FMN1: variants seen among roughly 807,000 people sequenced by gnomAD.
FMN1 encodes formin-1.
In FMN1, 110 loss-of-function variants were observed where a neutral mutation model predicts 132.4. That is an observed-to-expected ratio of 0.83 (90% confidence interval 0.71 to 0.97). The LOEUF (loss-of-function observed/expected upper bound fraction) is 0.97. Ranked by LOEUF, FMN1 falls within the 50% of genes least tolerant of loss-of-function variation. FMN1 has a pLI of 0.00. For synonymous variants in FMN1, 722 were observed against 651.7 expected (o/e 1.11, Z -1.64); for missense variants, 1,792 against 1,705.3 (o/e 1.05, Z -0.90).
At chr15:33,066,230 C>T (rs1038534234) in intron 5 of FMN1, among the ~76,000 whole-genome samples, 3 of 152,124 alleles carry the variant, frequency 2.0e-5, no homozygotes, top group Admixed American at 6.6e-5. Flanking sequence ...TTTATAAGTG[C>T]GTTTACCATC....
At chr15:33,108,083 T>C (rs1461086542) in intron 4 of FMN1, among the ~76,000 whole-genome samples, 1 of 152,030 alleles carries the variant, frequency 6.6e-6, no homozygotes, top group Non-Finnish European at 1.5e-5. Flanking sequence ...AGTCTCGTGA[T>C]TTCTCTGGGA....
At chr15:33,069,107 CA>C (rs1400675321) in intron 5 of FMN1, among the ~76,000 whole-genome samples, 9 of 152,224 alleles carry the variant, frequency 5.9e-5, no homozygotes, top group Admixed American at 5.2e-4. Flanking sequence ...AAGTCTCTAT[CA>C]GTCAGATCTC....
intron 4 of FMN1, among the ~76,000 whole-genome samples, chr15:33,128,422 C>G (rs1272021815): frequency 6.6e-6 from 1 of 152,158 alleles, no homozygotes; most frequent in African/African-American, 2.4e-5. Context: ...CAAAATCATT[C>G]TTTCTACCTC....
intron 9 of FMN1, among the ~76,000 whole-genome samples, chr15:32,957,207 C>CA (rs35297987): frequency 6.8e-6 from 1 of 147,228 alleles, no homozygotes; most frequent in Non-Finnish European, 1.5e-5. Flanking sequence ...CATGGCATCT[C>CA]AAAAAAGGAG....
chr15:33,181,804 G>A (rs771982167), intron 2 of FMN1, among the ~76,000 whole-genome samples: 6 of 150,724 alleles, frequency 4.0e-5, no homozygotes, highest in Non-Finnish European at 7.4e-5. Flanking sequence ...TGCCTCTCAG[G>A]TTAAAGCGAT....
chr15:32,825,439 G>A (rs1227967667), intron 17 of FMN1, among the ~76,000 whole-genome samples: 3 of 152,098 alleles, frequency 2.0e-5, no homozygotes, highest in Admixed American at 6.5e-5. Context: ...TTCTTTCTGC[G>A]TACGATGTGT....
intron 15 of FMN1, among the ~76,000 whole-genome samples, chr15:32,895,507 C>T (rs2060132265): frequency 6.6e-6 from 1 of 151,970 alleles, no homozygotes; most frequent in Admixed American, 6.6e-5. Context: ...TTAAAGTGTG[C>T]CCTTTATAGG....
At chr15:33,121,858 T>G (rs1183970444) in intron 4 of FMN1, among the ~76,000 whole-genome samples, 1 of 152,188 alleles carries the variant, frequency 6.6e-6, no homozygotes, top group African/African-American at 2.4e-5. Context: ...TTTGTTTGAA[T>G]TTTAGGAATT....
chr15:32,896,642 T>A (rs1188984918), intron 15 of FMN1, among the ~76,000 whole-genome samples: 2 of 148,670 alleles, frequency 1.3e-5, no homozygotes, highest in African/African-American at 2.6e-5. Flanking sequence ...TAGATACTTA[T>A]TTAAGTGGAA....
At chr15:32,955,810 CGTGTGTGTGTGT>C (rs71682708) in intron 9 of FMN1, among the ~76,000 whole-genome samples, 2 of 150,102 alleles carry the variant, frequency 1.3e-5, no homozygotes, top group Non-Finnish European at 3.0e-5. Context: ...TGTGCGTGTG[CGTGTGTGTGTGT>C]GTGTGCGTGC....
At chr15:33,089,770 G>C (rs1156861823) in intron 4 of FMN1, among the ~76,000 whole-genome samples, 6 of 152,182 alleles carry the variant, frequency 3.9e-5, no homozygotes, top group Non-Finnish European at 8.8e-5. Context: ...ACAATAGAGG[G>C]CCGTGCTTTT....
At chr15:32,783,084 AC>A (rs2056721364) in intron 19 of FMN1, among the ~76,000 whole-genome samples, 1 of 151,832 alleles carries the variant, frequency 6.6e-6, no homozygotes, top group East Asian at 1.9e-4. Context: ...AGAAGCCCAA[AC>A]CCTGCCACTA....
chr15:33,146,287 C>A (rs1964217726), intron 4 of FMN1, among the ~76,000 whole-genome samples: 1 of 152,078 alleles, frequency 6.6e-6, no homozygotes, highest in African/African-American at 2.4e-5. Flanking sequence ...TTTCTTTTTG[C>A]CAAAGCTCCT....
At chr15:33,036,420 A>G (rs2036195775) in intron 6 of FMN1, among the ~76,000 whole-genome samples, 1 of 152,200 alleles carries the variant, frequency 6.6e-6, no homozygotes, top group African/African-American at 2.4e-5. Context: ...TTATCACTGT[A>G]TATTTAATAT....
chr15:32,935,111 T>C (rs1184859530), intron 9 of FMN1, among the ~76,000 whole-genome samples: 2 of 151,904 alleles, frequency 1.3e-5, no homozygotes, highest in African/African-American at 4.8e-5. Flanking sequence ...TTAGTAGAGA[T>C]GGGGTTTCAC....
At chr15:33,186,113 A>T (rs1217501287) in intron 2 of FMN1, among the ~76,000 whole-genome samples, 1 of 151,388 alleles carries the variant, frequency 6.6e-6, no homozygotes, top group African/African-American at 2.4e-5. Flanking sequence ...GAGCTCTTCT[A>T]TTGCAAAGAG....
intron 17 of FMN1, among the ~76,000 whole-genome samples, chr15:32,812,754 G>A (rs1019994727): frequency 6.6e-6 from 1 of 152,182 alleles, no homozygotes; most frequent in Non-Finnish European, 1.5e-5. Context: ...GATGATATTC[G>A]TAAAATATCT....
intron 4 of FMN1, among the ~76,000 whole-genome samples, chr15:33,095,715 A>C (rs1369075690): frequency 6.6e-6 from 1 of 152,176 alleles, no homozygotes; most frequent in African/African-American, 2.4e-5. Flanking sequence ...AAAAAGTCAT[A>C]TGGCATTCAT....
At chr15:32,821,125 A>G (rs1433422654) in intron 17 of FMN1, among the ~76,000 whole-genome samples, 5 of 124,180 alleles carry the variant, frequency 4.0e-5, no homozygotes, top group South Asian at 6.1e-4. Flanking sequence ...CAATTTTCTA[A>G]GAGATAATCA....
Sources: gnomAD v4.1 joint callset for allele counts (sites outside exome capture counted in the v4.1 genomes callset) on GRCh38, gnomAD v4.1.1 for gene constraint, MANE v1.5 for transcripts, NCBI Gene and HGNC (gene_info 2026-07-23, HGNC 2026-07-21) for gene names.